AKR1B10: variants seen among roughly 807,000 people sequenced by gnomAD.
The protein encoded by AKR1B10 is ARP.
Under a neutral mutation model 38.9 loss-of-function variants are expected in AKR1B10, and 39 were observed. The observed-to-expected ratio is 1.00, with a 90% CI of 0.78 to 1.31. AKR1B10 has a LOEUF of 1.31. Among genes scored for constraint, AKR1B10 ranks in the 50% most tolerant of loss-of-function variants. The pLI, the probability that AKR1B10 is intolerant of heterozygous loss-of-function variation, is 0.00. For synonymous variants in AKR1B10, 148 were observed against 141.2 expected, an observed-to-expected ratio of 1.05 and a Z score of -0.34; for missense variants, 361 against 382.6, an observed-to-expected ratio of 0.94 and a Z score of 0.47.
intron 8 of AKR1B10, among the ~76,000 whole-genome samples, chr7:134,538,601 C>T (rs1216441313): frequency 6.6e-6 from 1 of 152,148 alleles, no homozygotes; most frequent in East Asian, 1.9e-4. Context: ...GGCCTCCCTG[C>T]TCACTTCCCG....
intron 1 of AKR1B10, among the ~76,000 whole-genome samples, chr7:134,529,542 G>T (rs964465640): frequency 1.3e-5 from 2 of 152,120 alleles, no homozygotes; most frequent in Non-Finnish European, 2.9e-5. Context: ...AGGGTGTAGC[G>T]TAGCGGTTGG....
chr7:134,537,216 T>C, intron 6 of AKR1B10, 59 bp downstream of exon 6: 1 of 1,539,102 alleles, frequency 6.5e-7, no homozygotes, highest in Non-Finnish European at 8.7e-7. Context: ...TATTTTATAA[T>C]TGGTAAATGT....
chr7:134,528,364 C>A (rs1413585492), intron 1 of AKR1B10, among the ~76,000 whole-genome samples: 1 of 152,126 alleles, frequency 6.6e-6, no homozygotes, highest in African/African-American at 2.4e-5. Flanking sequence ...AAGTCCTTGG[C>A]ACCCCTTTGC....
At chr7:134,532,586 T>G (rs1473002556) in intron 3 of AKR1B10, among the ~76,000 whole-genome samples, 1 of 152,140 alleles carries the variant, frequency 6.6e-6, no homozygotes, top group Non-Finnish European at 1.5e-5. Flanking sequence ...GATGATGGCC[T>G]GCCACCCCTA....
At chr7:134,539,224 T>C in intron 9 of AKR1B10, 1 of 621,612 alleles carries the variant, frequency 1.6e-6, no homozygotes, top group South Asian at 2.0e-5. Context: ...CTTCTGGATG[T>C]AGAGCTAGAA....
intron 9 of AKR1B10, among the ~76,000 whole-genome samples, chr7:134,539,543 C>A (rs1291390899): frequency 6.6e-6 from 1 of 152,012 alleles, no homozygotes; most frequent in Non-Finnish European, 1.5e-5. Context: ...TAAAGGGAGG[C>A]TTTGCTGTGA....
intron 1 of AKR1B10, 25 bp downstream of exon 1, chr7:134,528,002 CCTT>C (rs779005371): frequency 6.8e-6 from 11 of 1,612,678 alleles, no homozygotes; most frequent in Non-Finnish European, 8.5e-6. Flanking sequence ...CTTTGCACAC[CCTT>C]CTTCTCTGGA....
Position 134,533,095 on chromosome 7 carries a change from T to A in AKR1B10, c.429+14T>A. The A allele has an allele frequency of 6.3e-7, 1 of 1,581,982 alleles. No homozygotes were observed. On this transcript the variant is annotated intron_variant, in intron 4 of 9. Transcript: ENST00000359579. ...GATGCCTGGGAGGTAGGTTCCCAGC[T>A]TCCTCTAAGTGTGCTGGGAGAGAAA...
intron 1 of AKR1B10, among the ~76,000 whole-genome samples, chr7:134,530,257 A>T (rs1289181305): frequency 6.6e-6 from 1 of 152,182 alleles, no homozygotes; most frequent in Non-Finnish European, 1.5e-5. Flanking sequence ...ACCCCCACAC[A>T]CCTGAAGACA....
Position 134,533,002 on chromosome 7 carries a change from A to T in AKR1B10, c.352-2A>T, listed in dbSNP as rs1420496707. On this transcript the variant is annotated splice_acceptor_variant, in intron 3 of 9. Coordinates refer to ENST00000359579, the MANE Select transcript of AKR1B10 (RefSeq NM_020299.5). LOFTEE classifies it high-confidence loss of function. ...AGTAAACTTTTCATTCTGTGTTCAC[A>T]GTCTGGGGATGACCTTTTCCCCAAA... 2.5e-6 allele frequency: 4 copies of T among 1,599,258 alleles called. No homozygotes were observed. Among genetic ancestry groups the T allele is most frequent in the Non-Finnish European group, 3.4e-6 (4 of 1,174,842 alleles).
chr7:134,533,798 G>A (rs903017337), intron 4 of AKR1B10, among the ~76,000 whole-genome samples: 19 of 152,266 alleles, frequency 1.2e-4, no homozygotes, highest in Middle Eastern at 3.4e-3. Context: ...CCTGTTTCAC[G>A]TCATTCACAT....
chr7:134,536,394 C>T (rs769146289), intron 4 of AKR1B10, among the ~76,000 whole-genome samples: 11 of 152,082 alleles, frequency 7.2e-5, no homozygotes, highest in South Asian at 4.1e-4. Flanking sequence ...TGTTTCTTCA[C>T]GTGTAAGGTG....
Position 134,528,016 on chromosome 7 carries a change from G to A in AKR1B10, c.66+39G>A, listed in dbSNP as rs770968813. The A allele has an allele frequency of 2.5e-6, 4 of 1,608,886 alleles. No individual in the cohort carries two copies. In the African/African-American group the frequency reaches 4.0e-5, roughly 16 times the overall value. On this transcript the variant is annotated intron_variant, in intron 1 of 9. Transcript: ENST00000359579. ...TCTTTGCACACCCTTCTTCTCTGGAGGGGCGTTTGGGTGTTTTCTCTTTCT... is the reference window on the plus strand; with the variant it reads ...TCTTTGCACACCCTTCTTCTCTGGAAGGGCGTTTGGGTGTTTTCTCTTTCT...
intron 4 of AKR1B10, among the ~76,000 whole-genome samples, chr7:134,534,989 AT>A (rs199993477): frequency 2.1e-4 from 31 of 149,026 alleles, no homozygotes; most frequent in South Asian, 6.4e-4. Context: ...GGCACTGGTA[AT>A]TTTTTTTTTT....
At position 134,538,797 on chromosome 7, in the gene AKR1B10, C is replaced by T. The variant is rs147896675; in HGVS notation, c.826-138C>T. The T allele has an allele frequency of 1.2e-3, 1,144 of 934,778 alleles. 6 individuals are homozygous for T. In the African/African-American group the frequency reaches 0.017, roughly 14 times the overall value. 57.9% of individuals were successfully genotyped at this position (934,778 alleles called of 1,614,324 possible). On this transcript the variant is annotated intron_variant, in intron 8 of 9. Coordinates refer to ENST00000359579, the MANE Select transcript of AKR1B10 (RefSeq NM_020299.5). Reference sequence around the variant, plus strand: ...CTAATTTAGAGAAAAATTTGTATCCCGTGGACAGAATGGGAAAAACTCCTG... The same window carrying T: ...CTAATTTAGAGAAAAATTTGTATCCTGTGGACAGAATGGGAAAAACTCCTG...
Position 134,534,628 on chromosome 7 carries a change from G to A in AKR1B10, c.429+1547G>A, listed in dbSNP as rs552208769. Among the ~76,000 whole-genome samples, 71 of 152,326 alleles carry A rather than the reference G, an allele frequency of 4.7e-4. 1 individual carries two copies. Among genetic ancestry groups the A allele is most frequent in the Middle Eastern group, 3.4e-3 (1 of 294 alleles). On this transcript the variant is annotated intron_variant, in intron 4 of 9. Transcript: ENST00000359579. ...ATTTGAAATGAGCAGGCTTGAATAT[G>A]TAAGCGTTGGATGTTTATGTAGACC...
chr7:134,540,488 C>A (rs1808123583), intron 9 of AKR1B10, among the ~76,000 whole-genome samples: 2 of 152,166 alleles, frequency 1.3e-5, no homozygotes, highest in Non-Finnish European at 1.5e-5. Context: ...GTGGGCTCTG[C>A]AGTAAATCCA....
intron 1 of AKR1B10, among the ~76,000 whole-genome samples, chr7:134,529,754 G>A (rs995912045): frequency 1.4e-4 from 21 of 152,132 alleles, no homozygotes; most frequent in African/African-American, 4.8e-4. Context: ...AACAAAATGT[G>A]ATAATTCTAT....
intron 9 of AKR1B10, among the ~76,000 whole-genome samples, chr7:134,540,671 G>A (rs563552597): frequency 9.9e-5 from 15 of 152,190 alleles, no homozygotes; most frequent in South Asian, 4.2e-4. Flanking sequence ...GCCCTTTTCC[G>A]GTGGTATTAT....
Sources: gnomAD v4.1 joint callset for allele counts (sites outside exome capture counted in the v4.1 genomes callset) on GRCh38, gnomAD v4.1.1 for gene constraint, MANE v1.5 for transcripts, NCBI Gene and HGNC (gene_info 2026-07-23, HGNC 2026-07-21) for gene names.